Variants in EFCAB6 observed in about 807,000 individuals in gnomAD.
The protein encoded by EFCAB6 is EF-hand calcium-binding domain-containing protein 6.
Under a neutral mutation model 169.8 loss-of-function variants are expected in EFCAB6, and 156 were observed. The ratio of observed to expected loss-of-function variants is 0.92; its 90% CI spans 0.81 to 1.05. EFCAB6 has a LOEUF of 1.05. Among genes scored for constraint, EFCAB6 ranks in the 50% least tolerant of loss-of-function variants. The pLI is 0.00. For synonymous variants in EFCAB6, 698 were observed against 676.4 expected (o/e 1.03, Z -0.50); for missense variants, 1,800 against 1,829.1 (o/e 0.98, Z 0.29).
intron 26 of EFCAB6, among the ~76,000 whole-genome samples, chr22:43,556,491 T>C (rs1169418374): frequency 6.6e-6 from 1 of 152,172 alleles, no homozygotes; most frequent in African/African-American, 2.4e-5. Context: ...ACCATGGCTG[T>C]GAGCTTTGAT....
chr22:43,727,333 T>A (rs28737199), intron 8 of EFCAB6, among the ~76,000 whole-genome samples: 2 of 152,164 alleles, frequency 1.3e-5, no homozygotes, highest in Non-Finnish European at 2.9e-5. Flanking sequence ...GAGGCTGCTG[T>A]GGGAAGGTTA....
chr22:43,689,040 A>G (rs1166264624), intron 10 of EFCAB6, among the ~76,000 whole-genome samples: 1 of 152,118 alleles, frequency 6.6e-6, no homozygotes, highest in Non-Finnish European at 1.5e-5. Context: ...CCCACCACAA[A>G]AGAGAGAGTG....
chr22:43,553,150 A>G (rs2048481888), intron 27 of EFCAB6: 2 of 152,110 alleles, frequency 1.3e-5, no homozygotes, highest in African/African-American at 2.4e-5. Flanking sequence ...TTCCCTATGA[A>G]TACTTCCAAG....
At chr22:43,798,571 G>A (rs770325347) in intron 2 of EFCAB6, among the ~76,000 whole-genome samples, 7 of 152,238 alleles carry the variant, frequency 4.6e-5, no homozygotes, top group Middle Eastern at 3.4e-3. Context: ...TAATGATGTA[G>A]CTATTGGGAT....
intron 30 of EFCAB6, among the ~76,000 whole-genome samples, chr22:43,531,557 A>G (rs1177699626): frequency 1.3e-5 from 2 of 152,240 alleles, no homozygotes. Context: ...TTTAGCCCCA[A>G]TGTGTTTGAA....
At chr22:43,582,642 C>G (rs2050802611) in intron 24 of EFCAB6, among the ~76,000 whole-genome samples, 1 of 152,046 alleles carries the variant, frequency 6.6e-6, no homozygotes, top group East Asian at 1.9e-4. Context: ...GGGATCCAAC[C>G]TAGATAATAG....
chr22:43,589,871 A>G (rs1378854946), intron 24 of EFCAB6, among the ~76,000 whole-genome samples: 1 of 152,192 alleles, frequency 6.6e-6, no homozygotes, highest in Non-Finnish European at 1.5e-5. Flanking sequence ...ACATCAGGAA[A>G]AGTTATGCAT....
chr22:43,769,385 G>A (rs1412538396), intron 4 of EFCAB6, among the ~76,000 whole-genome samples: 1 of 152,122 alleles, frequency 6.6e-6, no homozygotes, highest in Admixed American at 6.5e-5. Context: ...TTGGAATGAT[G>A]AAAACGGTTT....
chr22:43,592,769 C>G lies in EFCAB6; in HGVS notation c.2877-2540G>C, dbSNP rs138222611. On this transcript the variant is annotated intron_variant, in intron 23 of 31. Coordinates refer to ENST00000262726, the MANE Select transcript of EFCAB6 (RefSeq NM_022785.4). ...TCCCCACTCTGGTGCTGCTGAAAAACTGCACACCTCTCAATTTGCGTTTTC... is the reference window on the plus strand; with the variant it reads ...TCCCCACTCTGGTGCTGCTGAAAAAGTGCACACCTCTCAATTTGCGTTTTC... 5.1e-4 allele frequency among the ~76,000 whole-genome samples: 78 copies of G among 152,340 alleles called. No homozygotes were observed. In the East Asian group the frequency reaches 0.014, roughly 28 times the overall value.
At chr22:43,731,934 G>T in intron 7 of EFCAB6, 123 bp from the exon 8 acceptor site, 1 of 519,872 alleles carries the variant, frequency 1.9e-6, no homozygotes, top group Non-Finnish European at 3.1e-6. Flanking sequence ...AGCTACAGAG[G>T]GAATTAAAAA....
At chr22:43,571,025 AG>A in intron 26 of EFCAB6, among the ~76,000 whole-genome samples, 1 of 152,208 alleles carries the variant, frequency 6.6e-6, no homozygotes, top group East Asian at 1.9e-4. Context: ...GAGCAATGAC[AG>A]GGGAGGACTC....
At chr22:43,690,275 G>A (rs1176286063) in intron 10 of EFCAB6, among the ~76,000 whole-genome samples, 6 of 148,678 alleles carry the variant, frequency 4.0e-5, no homozygotes, top group Non-Finnish European at 7.4e-5. Flanking sequence ...GGAGGCAGGC[G>A]GATCACGAGG....
chr22:43,728,923 T>C (rs9917556), intron 8 of EFCAB6, among the ~76,000 whole-genome samples: 2,902 of 152,326 alleles, frequency 0.019, 96 homozygotes, highest in African/African-American at 0.066. Flanking sequence ...TTAGATCGCA[T>C]TTGTCAATTT....
chr22:43,581,011 G>A (rs1236566399), intron 24 of EFCAB6, among the ~76,000 whole-genome samples: 1 of 152,208 alleles, frequency 6.6e-6, no homozygotes, highest in Non-Finnish European at 1.5e-5. Flanking sequence ...CCCTATGACG[G>A]GGGCACGTGA....
chr22:43,690,273 G>A (rs980779311), intron 10 of EFCAB6, among the ~76,000 whole-genome samples: 3 of 151,384 alleles, frequency 2.0e-5, no homozygotes, highest in African/African-American at 7.3e-5. Context: ...GCGGAGGCAG[G>A]CGGATCACGA....
chr22:43,622,567 AAAAC>A (rs1189579715), intron 20 of EFCAB6, among the ~76,000 whole-genome samples: 1 of 152,230 alleles, frequency 6.6e-6, no homozygotes, highest in East Asian at 1.9e-4. Flanking sequence ...ACTCCATCTC[AAAAC>A]AAACAAGCAA....
intron 8 of EFCAB6, among the ~76,000 whole-genome samples, chr22:43,729,088 G>A (rs568002213): frequency 8.5e-5 from 13 of 152,304 alleles, no homozygotes; most frequent in African/African-American, 3.1e-4. Context: ...AAGAGAGGGA[G>A]CAAGGCAGAG....
At chr22:43,784,665 A>ACATATGTGTGTATATG (rs1222270497) in intron 2 of EFCAB6, among the ~76,000 whole-genome samples, 1 of 74,212 alleles carries the variant, frequency 1.3e-5, no homozygotes, top group Non-Finnish European at 2.5e-5. Context: ...GTATATATAC[A>ACATATGTGTGTATATG]TATACATATA....
intron 8 of EFCAB6, among the ~76,000 whole-genome samples, chr22:43,721,398 C>CAAACA (rs937703533): frequency 6.6e-6 from 1 of 151,920 alleles, no homozygotes; most frequent in Non-Finnish European, 1.5e-5. Flanking sequence ...TATGGAACAA[C>CAAACA]AAACAAAACA....
Sources: allele counts gnomAD v4.1 joint callset (sites outside exome capture counted in the v4.1 genomes callset), GRCh38; gene constraint gnomAD v4.1.1; transcripts MANE v1.5; gene names NCBI Gene and HGNC (gene_info 2026-07-23, HGNC 2026-07-21).